ZFHX4: variants seen among roughly 807,000 people sequenced by gnomAD.
The protein encoded by ZFHX4 is zinc finger homeobox 4, also known as zinc finger homeobox protein 4.
In ZFHX4, 56 loss-of-function variants were observed where a neutral mutation model predicts 267.6. The observed-to-expected ratio is 0.21, with a 90% CI of 0.17 to 0.26. The LOEUF (loss-of-function observed/expected upper bound fraction) is 0.26. Ranked by LOEUF, ZFHX4 falls within the 10% of genes least tolerant of loss-of-function variation. ZFHX4 has a pLI of 1.00. For missense variants in ZFHX4, 4,332 were observed against 4,420.0 expected (o/e 0.98, Z 0.56); for synonymous variants, 1,778 against 1,665.6 (o/e 1.07, Z -1.64).
At position 76,863,212 on chromosome 8, in the gene ZFHX4, A is replaced by ACCTCCTCCT. The variant is rs199874527; in HGVS notation, c.9511_9519dup (p.Pro3171_Pro3173dup). On this transcript the variant is annotated inframe_insertion, in exon 11 of 11. Transcript: ENST00000651372. ...TGCTGCAGACTCCACCACCTCCACC[A>ACCTCCTCCT]CCTCCTCCTCCTCCTCCTCCTTCAT... 1.3e-6 allele frequency: 2 copies of ACCTCCTCCT among 1,572,660 alleles called. No individual in the cohort carries two copies. The highest frequency in any genetic ancestry group is 3.8e-5 in the Admixed American group (2 of 52,658).
chr8:76,728,453 T>C (rs1808912837), intron 3 of ZFHX4, among the ~76,000 whole-genome samples: 1 of 152,168 alleles, frequency 6.6e-6, no homozygotes. Context: ...CTCTTTCCCC[T>C]CTGGGGGATA....
At chr8:76,795,789 C>G (rs1810966325) in intron 4 of ZFHX4, among the ~76,000 whole-genome samples, 1 of 152,038 alleles carries the variant, frequency 6.6e-6, no homozygotes, top group Non-Finnish European at 1.5e-5. Context: ...CGCCCGCCTC[C>G]AAGTCTTTAC....
At chr8:76,718,977 C>A (rs1392431039) in intron 3 of ZFHX4, among the ~76,000 whole-genome samples, 2 of 142,596 alleles carry the variant, frequency 1.4e-5, no homozygotes, top group Non-Finnish European at 3.1e-5. Context: ...ACATGCTTTT[C>A]CAAAAAGTGA....
chr8:76,864,551 A>G lies in ZFHX4; in HGVS notation c.10837A>G (p.Met3613Val), dbSNP rs1812978530. 1.2e-6 allele frequency: 2 copies of G among 1,605,872 alleles called. No individual in the cohort carries two copies. The highest frequency in any genetic ancestry group is 1.7e-6 in the Non-Finnish European group (2 of 1,175,962). ...DGNFNSIRMD[M>V]FSV ...TAATTTCAATAGCATCCGAATGGAT[A>G]TGTTCAGTGTGTAGGAGTGAAGACA... Residue 3613 changes from methionine (M) to valine (V), a missense_variant, in exon 11 of 11, where the codon ATG becomes GTG. Met to Val is a conservative substitution (Grantham distance 21, BLOSUM62 1). Transcript: ENST00000651372.
chr8:76,711,144 G>T (rs1808412035), intron 3 of ZFHX4, among the ~76,000 whole-genome samples: 1 of 152,064 alleles, frequency 6.6e-6, no homozygotes, highest in African/African-American at 2.4e-5. Context: ...TATGCCTATT[G>T]CTAATGATGA....
intron 4 of ZFHX4, among the ~76,000 whole-genome samples, chr8:76,812,770 T>C (rs11988243): frequency 2.5e-3 from 387 of 152,302 alleles, no homozygotes; most frequent in African/African-American, 9.0e-3. Flanking sequence ...AAAAATGGAT[T>C]TGCGGTACAC....
At chr8:76,706,781 A>G (rs943543917) in intron 2 of ZFHX4, 103 bp downstream of exon 2, 3 of 1,269,876 alleles carry the variant, frequency 2.4e-6, no homozygotes, top group Admixed American at 3.1e-5. Flanking sequence ...AATTGAGGAC[A>G]GCTTACTAGA....
intron 3 of ZFHX4, among the ~76,000 whole-genome samples, chr8:76,765,228 C>T (rs1043128422): frequency 6.6e-6 from 1 of 152,080 alleles, no homozygotes; most frequent in Non-Finnish European, 1.5e-5. Context: ...AAAAATTATA[C>T]CTTGAGACAC....
At chr8:76,840,998 A>G (rs1220909436) in intron 5 of ZFHX4, among the ~76,000 whole-genome samples, 1 of 152,172 alleles carries the variant, frequency 6.6e-6, no homozygotes, top group Non-Finnish European at 1.5e-5. Context: ...TCTCTTCTTG[A>G]AGTTAAATTT....
intron 1 of ZFHX4, among the ~76,000 whole-genome samples, chr8:76,695,804 T>G (rs1807940554): frequency 6.6e-6 from 1 of 152,160 alleles, no homozygotes; most frequent in African/African-American, 2.4e-5. Context: ...GGCTGATTAG[T>G]TTTTTCCCCC....
At chr8:76,681,900 G>T (rs1217171052) in intron 1 of ZFHX4, among the ~76,000 whole-genome samples, 2 of 152,150 alleles carry the variant, frequency 1.3e-5, no homozygotes, top group Non-Finnish European at 2.9e-5. Context: ...GGGGCACTGA[G>T]GGACCTGATT....
At chr8:76,849,437 C>A (rs1006227060) in intron 7 of ZFHX4, 75 bp from the exon 8 acceptor site, 3 of 1,389,700 alleles carry the variant, frequency 2.2e-6, no homozygotes, top group East Asian at 4.6e-5. Context: ...ACACGTACCC[C>A]CAAAATACAA....
At chr8:76,766,184 A>G (rs1342315251) in intron 3 of ZFHX4, among the ~76,000 whole-genome samples, 1 of 152,156 alleles carries the variant, frequency 6.6e-6, no homozygotes, top group African/African-American at 2.4e-5. Context: ...AAAAAGATAA[A>G]AAATTGATCA....
intron 3 of ZFHX4, among the ~76,000 whole-genome samples, chr8:76,771,341 C>G (rs771329910): frequency 6.6e-6 from 1 of 152,196 alleles, no homozygotes; most frequent in Non-Finnish European, 1.5e-5. Context: ...GCTGCAATTC[C>G]AGCACCTAGA....
chr8:76,759,787 A>C (rs957996797), intron 3 of ZFHX4, among the ~76,000 whole-genome samples: 1 of 152,192 alleles, frequency 6.6e-6, no homozygotes, highest in Non-Finnish European at 1.5e-5. Flanking sequence ...CCAAGAGTAG[A>C]AATGTTTAAT....
Position 76,851,003 on chromosome 8 carries a change from A to G in ZFHX4, c.4082A>G (p.Asn1361Ser). 1 of 1,613,958 alleles carries G rather than the reference A, an allele frequency of 6.2e-7. No individual in the cohort carries two copies. The highest frequency in any genetic ancestry group is 8.5e-7 in the Non-Finnish European group (1 of 1,179,872). ...GAACCCTTGGAAGTCTCAGAATGGA[A>G]TAAAAATAGCAGTAAGGATGTGAAA... ...TKEPLEVSEW[N>S]KNSSKDVKIP... The change falls in exon 10 of 11, where the codon AAT (asparagine) becomes AGT (serine). Residue 1361 changes from asparagine (N) to serine (S), a missense_variant. Coordinates refer to ENST00000651372, the MANE Select transcript of ZFHX4 (RefSeq NM_024721.5).
intron 4 of ZFHX4, among the ~76,000 whole-genome samples, chr8:76,801,646 T>A (rs533282918): frequency 1.5e-4 from 23 of 152,164 alleles, no homozygotes; most frequent in Non-Finnish European, 3.2e-4. Context: ...TCAAGACACA[T>A]GCTAATAACC....
At chr8:76,685,396 C>T (rs1325042036) in intron 1 of ZFHX4, among the ~76,000 whole-genome samples, 1 of 152,130 alleles carries the variant, frequency 6.6e-6, no homozygotes, top group East Asian at 1.9e-4. Context: ...TGCAGAATGG[C>T]TTGTCGTAGT....
chr8:76,822,598 C>T (rs1479477793), intron 4 of ZFHX4, among the ~76,000 whole-genome samples: 3 of 151,746 alleles, frequency 2.0e-5, no homozygotes, highest in Non-Finnish European at 2.9e-5. Context: ...CTCCACCATG[C>T]CTGGCTAATT....
Sources: gnomAD v4.1 joint callset for allele counts (sites outside exome capture counted in the v4.1 genomes callset) on GRCh38, gnomAD v4.1.1 for gene constraint, MANE v1.5 for transcripts, NCBI Gene and HGNC (gene_info 2026-07-23, HGNC 2026-07-21) for gene names.